The following TPGS2 variants were observed in gnomAD, a reference collection of about 807,000 sequenced individuals.
TPGS2 encodes the protein polyglutamylase subunit 2.
A neutral mutation model predicts 31.1 loss-of-function variants in TPGS2; 26 were observed. The ratio of observed to expected loss-of-function variants is 0.84; its 90% CI spans 0.61 to 1.16. The LOEUF is 1.16. Ranked by LOEUF, TPGS2 falls within the 50% of genes most tolerant of loss-of-function variation. The probability of loss-of-function intolerance (pLI) is 0.00; values close to 1 mark genes in which losing one functional copy is unlikely to be tolerated. For synonymous variants in TPGS2, 130 were observed against 136.6 expected (o/e 0.95, Z 0.34); for missense variants, 351 against 363.8 (o/e 0.96, Z 0.29).
chr18:36,827,045 CT>C (rs999779659), intron 1 of TPGS2, among the ~76,000 whole-genome samples: 2 of 149,928 alleles, frequency 1.3e-5, no homozygotes, highest in African/African-American at 2.4e-5. Flanking sequence ...TTTTAAGTTT[CT>C]TTTTTTTTAG....
At chr18:36,817,155 G>A (rs766499672) in intron 2 of TPGS2, among the ~76,000 whole-genome samples, 4 of 152,178 alleles carry the variant, frequency 2.6e-5, no homozygotes, top group African/African-American at 4.8e-5. Flanking sequence ...GGTGGGGGCT[G>A]AGTGAGAAGA....
At chr18:36,804,173 G>C (rs966835083) in intron 4 of TPGS2, among the ~76,000 whole-genome samples, 1 of 152,142 alleles carries the variant, frequency 6.6e-6, no homozygotes, top group Non-Finnish European at 1.5e-5. Context: ...TCTGACTGCT[G>C]AGTCCCCTGA....
chr18:36,796,305 C>T lies in TPGS2; in HGVS notation c.*500G>A. On this transcript the variant is annotated 3_prime_UTR_variant, in exon 7 of 7. Transcript: ENST00000334295. ...ACTTTCTGTGGTGATGGAAATGTTC[C>T]ATATCTTTGTGCTAATACAGAATCT... The T allele has an allele frequency of 1.0e-6, 1 of 981,144 alleles. No individual in the cohort carries two copies. Among genetic ancestry groups the T allele is most frequent in the South Asian group, 4.7e-5 (1 of 21,202 alleles). The allele number at this position is 981,144 out of a possible 1,614,324, so 60.8% of individuals were successfully genotyped here. A position where few individuals can be genotyped will look rare whatever the true frequency, so the allele number is the denominator to read the frequency against.
chr18:36,796,534 T>C lies in TPGS2; in HGVS notation c.*271A>G, dbSNP rs2044533670. On this transcript the variant is annotated 3_prime_UTR_variant, in exon 7 of 7. Coordinates refer to ENST00000334295, the MANE Select transcript of TPGS2 (RefSeq NM_015476.4). ...GTGCTAAGGGATTGAGGGTTGAGTG[T>C]TGAAGAAGAGGAAAGCACTCAGACT... 1.7e-5 allele frequency: 21 copies of C among 1,254,568 alleles called. No individual in the cohort carries two copies. Among genetic ancestry groups the C allele is most frequent in the East Asian group, 1.5e-4 (4 of 26,454 alleles). 77.7% of individuals were successfully genotyped at this position (1,254,568 alleles called of 1,614,324 possible). A position where few individuals can be genotyped will look rare whatever the true frequency, so the allele number is the denominator to read the frequency against.
intron 3 of TPGS2, 63 bp from the exon 4 acceptor site, chr18:36,805,565 G>C: frequency 6.2e-7 from 1 of 1,602,470 alleles, no homozygotes; most frequent in African/African-American, 1.3e-5. Context: ...TGGTTATCAT[G>C]AGATTCTGCT....
chr18:36,823,228 C>G (rs937209484), intron 1 of TPGS2, among the ~76,000 whole-genome samples: 5 of 152,176 alleles, frequency 3.3e-5, no homozygotes, highest in African/African-American at 4.8e-5. Context: ...CTATTTTCAT[C>G]TGGAGCTTGG....
Position 36,794,700 on chromosome 18 carries a change from G to T in TPGS2, c.*2105C>A, listed in dbSNP as rs918988441. 1.0e-6 allele frequency: 1 copy of T among 985,108 alleles called. No individual in the cohort carries two copies. Among genetic ancestry groups the T allele is most frequent in the African/African-American group, 1.7e-5 (1 of 57,156 alleles). The allele number at this position is 985,108 out of a possible 1,614,324, so 61.0% of individuals were successfully genotyped here. A position where few individuals can be genotyped will look rare whatever the true frequency, so the allele number is the denominator to read the frequency against. ...CTCCAGCTATTGTCCTCAACAACTT[G>T]GTCTCTCTATATCCTTTTCTGCCAC... On this transcript the variant is annotated 3_prime_UTR_variant, in exon 7 of 7. Coordinates refer to ENST00000334295, the MANE Select transcript of TPGS2 (RefSeq NM_015476.4).
At position 36,807,916 on chromosome 18, in the gene TPGS2, G is replaced by C; in HGVS notation, c.184C>G (p.Pro62Ala). 1 of 1,614,094 alleles carries C rather than the reference G, an allele frequency of 6.2e-7. No homozygotes were observed. Among genetic ancestry groups the C allele is most frequent in the Non-Finnish European group, 8.5e-7 (1 of 1,180,010 alleles). ...AGGTAAAAGTTCTTCACATCTTCAG[G>C]CATCACACAGTTATTCTTCTAGAAT... ...SWEQKNNCVMPEDVKNFYLMT... is the reference protein window; with the variant it reads ...SWEQKNNCVMAEDVKNFYLMT... Residue 62 changes from proline (P) to alanine (A), a missense_variant, in exon 3 of 7, where the codon CCT (proline) becomes GCT (alanine). Pro to Ala is a conservative substitution (Grantham distance 27). Transcript: ENST00000334295.
At chr18:36,806,298 A>G (rs1568013293) in intron 3 of TPGS2, among the ~76,000 whole-genome samples, 2 of 152,154 alleles carry the variant, frequency 1.3e-5, no homozygotes, top group Non-Finnish European at 2.9e-5. Flanking sequence ...GGGTATTGCA[A>G]TAATGAACTG....
intron 2 of TPGS2, among the ~76,000 whole-genome samples, chr18:36,811,972 C>T (rs1382519141): frequency 2.0e-5 from 3 of 152,172 alleles, no homozygotes; most frequent in African/African-American, 7.2e-5. Flanking sequence ...TTCAGAACCT[C>T]CTGCAATTAC....
chr18:36,811,856 G>C (rs2045444851), intron 2 of TPGS2, among the ~76,000 whole-genome samples: 1 of 152,212 alleles, frequency 6.6e-6, no homozygotes, highest in South Asian at 2.1e-4. Context: ...GGCAGAGAAG[G>C]CTGTGTCAGA....
chr18:36,787,003 A>T, intron 6 of TPGS2: 7 of 1,234,340 alleles, frequency 5.7e-6, no homozygotes, highest in Non-Finnish European at 7.1e-6. Flanking sequence ...ACAGCTCCTC[A>T]GCTCCCATTG....
chr18:36,795,943 G>C lies in TPGS2; in HGVS notation c.*862C>G, dbSNP rs1475962490. ...GCAAAACAATGTTTGGGAATTTTTTGTTTTTAAATGGTAAGAATAAAGTAT... is the reference window on the plus strand; with the variant it reads ...GCAAAACAATGTTTGGGAATTTTTTCTTTTTAAATGGTAAGAATAAAGTAT... On this transcript the variant is annotated 3_prime_UTR_variant, in exon 7 of 7. Transcript: ENST00000334295. The C allele has an allele frequency of 9.1e-6, 9 of 985,266 alleles. No individual in the cohort carries two copies. Among genetic ancestry groups the C allele is most frequent in the Non-Finnish European group, 1.1e-5 (9 of 829,914 alleles). The allele number at this position is 985,266 out of a possible 1,614,324, so 61.0% of individuals were successfully genotyped here.
At chr18:36,801,126 T>C (rs1486563993) in intron 4 of TPGS2, among the ~76,000 whole-genome samples, 1 of 152,204 alleles carries the variant, frequency 6.6e-6, no homozygotes, top group African/African-American at 2.4e-5. Context: ...TTGCCTACCA[T>C]TACTTGGTTG....
intron 6 of TPGS2, chr18:36,798,143 C>T: frequency 8.7e-7 from 1 of 1,143,456 alleles, no homozygotes; most frequent in Non-Finnish European, 1.1e-6. Flanking sequence ...TTTCACTCTT[C>T]CTGGGTGCAT....
chr18:36,826,012 A>T (rs1257829422), intron 1 of TPGS2, among the ~76,000 whole-genome samples: 2 of 152,152 alleles, frequency 1.3e-5, no homozygotes, highest in Non-Finnish European at 2.9e-5. Context: ...AGTCATGGAC[A>T]TCTTGTGTTA....
intron 1 of TPGS2, among the ~76,000 whole-genome samples, chr18:36,827,496 G>A (rs143469734): frequency 2.1e-3 from 321 of 152,318 alleles, no homozygotes; most frequent in African/African-American, 7.6e-3. Context: ...GCAGGAACCC[G>A]CTTAGTGTGT....
At chr18:36,814,817 A>G (rs1367685474) in intron 2 of TPGS2, among the ~76,000 whole-genome samples, 1 of 152,228 alleles carries the variant, frequency 6.6e-6, no homozygotes, top group Non-Finnish European at 1.5e-5. Flanking sequence ...CTTGTACCAT[A>G]CAGTCCTTAG....
At chr18:36,798,261 T>G (rs1005526516) in intron 6 of TPGS2, 188 bp downstream of exon 6, 2 of 1,415,452 alleles carry the variant, frequency 1.4e-6, no homozygotes, top group East Asian at 2.5e-5. Flanking sequence ...TGGGAACCAC[T>G]TAACTAGATG....
Sources: gnomAD v4.1 joint callset for allele counts (sites outside exome capture counted in the v4.1 genomes callset) on GRCh38, gnomAD v4.1.1 for gene constraint, MANE v1.5 for transcripts, NCBI Gene and HGNC (gene_info 2026-07-23, HGNC 2026-07-21) for gene names.